Variants in PRKCZ observed in about 807,000 individuals in gnomAD.
PRKCZ encodes protein kinase C zeta type.
Under a neutral mutation model 79.5 loss-of-function variants are expected in PRKCZ, and 33 were observed. The observed-to-expected ratio is 0.41, with a 90% CI of 0.31 to 0.55. PRKCZ has a LOEUF of 0.55. PRKCZ is among the 20% of genes least tolerant of loss of function. The probability of loss-of-function intolerance (pLI) is 0.19; values close to 1 mark genes in which losing one functional copy is unlikely to be tolerated. For missense variants in PRKCZ, 578 were observed against 813.5 expected, an observed-to-expected ratio of 0.71 and a Z score of 3.52; for synonymous variants, 342 against 320.9, an observed-to-expected ratio of 1.07 and a Z score of -0.70.
Position 2,122,795 on chromosome 1 carries a change from C to T in PRKCZ, c.335-12467C>T, listed in dbSNP as rs191436021. On this transcript the variant is annotated intron_variant, in intron 4 of 17. Coordinates refer to ENST00000378567, the MANE Select transcript of PRKCZ (RefSeq NM_002744.6). Reference sequence around the variant, plus strand: ...AGGGTTGTGGTGGTTAGGGTCGTGGCGGTGGTTAGGGTCGTGGCGGTGGTT... The same window carrying T: ...AGGGTTGTGGTGGTTAGGGTCGTGGTGGTGGTTAGGGTCGTGGCGGTGGTT... Among the ~76,000 whole-genome samples, 2 of 5,152 alleles carry T rather than the reference C, an allele frequency of 3.9e-4. 1 individual carries two copies. The highest frequency in any genetic ancestry group is 7.3e-4 in the Non-Finnish European group (2 of 2,754). The allele number at this position is 5,152 out of a possible 152,430, so 3.4% of individuals were successfully genotyped here.
At chr1:2,167,830 C>G (rs1683639237) in intron 10 of PRKCZ, among the ~76,000 whole-genome samples, 1 of 152,184 alleles carries the variant, frequency 6.6e-6, no homozygotes, top group Non-Finnish European at 1.5e-5. Flanking sequence ...GTCTCGAACT[C>G]CTGACCTCAG....
rs1034716520 is a variant in PRKCZ at position 2,095,750 on chromosome 1, C to G, written c.334+36159C>G. The stretch of plus-strand genomic sequence containing the variant: ...CTCCCCACCTTTCCGCTCCCCTCCT[C>G]TCCCCTCCTTTCCGCTCCCCTCCTC... On this transcript the variant is annotated intron_variant, in intron 4 of 17. Transcript: ENST00000378567. Among the ~76,000 whole-genome samples the G allele has an allele frequency of 2.8e-5, 4 of 143,628 alleles. 1 individual carries two copies. Among genetic ancestry groups the G allele is most frequent in the Admixed American group, 1.4e-4 (2 of 14,524 alleles). The allele number at this position is 143,628 out of a possible 152,430, so 94.2% of individuals were successfully genotyped here. A position where few individuals can be genotyped will look rare whatever the true frequency, so the allele number is the denominator to read the frequency against.
At chr1:2,100,565 C>A (rs948946617) in intron 4 of PRKCZ, among the ~76,000 whole-genome samples, 1 of 152,252 alleles carries the variant, frequency 6.6e-6, no homozygotes, top group African/African-American at 2.4e-5. Context: ...TTATGGGTAC[C>A]TTGCAAGTTT....
chr1:2,169,816 G>C (rs1467808877), intron 11 of PRKCZ, among the ~76,000 whole-genome samples: 3 of 143,128 alleles, frequency 2.1e-5, no homozygotes, highest in Non-Finnish European at 4.6e-5. Flanking sequence ...CGGGGTGCAC[G>C]TGGAGGGGGC....
chr1:2,104,865 T>C, intron 4 of PRKCZ: 1 of 985,576 alleles, frequency 1.0e-6, no homozygotes, highest in Non-Finnish European at 1.2e-6. Context: ...GAGTGTGTGC[T>C]GTCTTCAGAG....
chr1:2,109,014 G>A (rs59362943), intron 4 of PRKCZ, among the ~76,000 whole-genome samples: 9,130 of 152,126 alleles, frequency 0.06, 883 homozygotes, highest in East Asian at 0.47. Context: ...TCCGTCTCAC[G>A]TCACCGCCTC....
At chr1:2,153,828 C>A (rs993639356) in intron 9 of PRKCZ, among the ~76,000 whole-genome samples, 1 of 152,158 alleles carries the variant, frequency 6.6e-6, no homozygotes, top group African/African-American at 2.4e-5. Context: ...GGTTGTCTTT[C>A]GAGAAGAGCC....
In PRKCZ at chr1:2,082,178, C is replaced by T. The variant is rs1310579177; in HGVS notation, c.334+22587C>T. On this transcript the variant is annotated intron_variant, in intron 4 of 17. Transcript: ENST00000378567. This position sits in a 1 kb window ranked among gnomAD's most constrained non-coding sequence, Gnocchi z 4.4. ...CTGGACGCGTCAGACGGGTTCTTTG[C>T]AGCCCTTGGCAGCGTCGCCCGCTCT... is the stretch of plus-strand genomic sequence containing the variant. 8.6e-6 allele frequency: 3 copies of T among 347,186 alleles called. No individual in the cohort carries two copies. The highest frequency in any genetic ancestry group is 1.7e-5 in the Non-Finnish European group (3 of 176,772). The allele number at this position is 347,186 out of a possible 1,614,324, so 21.5% of individuals were successfully genotyped here.
chr1:2,139,598 CAAAACA>C (rs1222526159), intron 5 of PRKCZ, among the ~76,000 whole-genome samples: 4 of 152,024 alleles, frequency 2.6e-5, no homozygotes, highest in Non-Finnish European at 5.9e-5. Context: ...CAAAACAACA[CAAAACA>C]AAAACAAAAC....
At chr1:2,142,924 TC>T (rs1401424508) in intron 5 of PRKCZ, 1 of 152,144 alleles carries the variant, frequency 6.6e-6, no homozygotes, top group Non-Finnish European at 1.5e-5. Context: ...GTGCTGAGGG[TC>T]CCGGTTCCTC....
intron 9 of PRKCZ, among the ~76,000 whole-genome samples, chr1:2,152,963 CTGTT>C (rs1359341055): frequency 1.3e-5 from 2 of 152,270 alleles, no homozygotes; most frequent in African/African-American, 4.8e-5. Flanking sequence ...GTACAAGAAT[CTGTT>C]TGAGTCTATT....
intron 4 of PRKCZ, among the ~76,000 whole-genome samples, chr1:2,120,277 C>A (rs771654034): frequency 2.5e-4 from 34 of 137,858 alleles, no homozygotes; most frequent in Non-Finnish European, 4.5e-4. Context: ...TGGAAAATAT[C>A]AGCCCTTGAC....
At chr1:2,100,324 G>T (rs909571863) in intron 4 of PRKCZ, among the ~76,000 whole-genome samples, 1 of 152,202 alleles carries the variant, frequency 6.6e-6, no homozygotes, top group Non-Finnish European at 1.5e-5. Context: ...CGTCTTCACC[G>T]CCTGGCTAAG....
At chr1:2,086,683 G>T (rs969633539) in intron 4 of PRKCZ, among the ~76,000 whole-genome samples, 1 of 152,216 alleles carries the variant, frequency 6.6e-6, no homozygotes, top group Non-Finnish European at 1.5e-5. Flanking sequence ...GGCTGTGCCC[G>T]GTGGGCGGTG....
At chr1:2,048,692 A>T (rs572619433), upstream of PRKCZ, among the ~76,000 whole-genome samples, 10 of 152,004 alleles carry the variant, frequency 6.6e-5, no homozygotes, top group African/African-American at 2.4e-4. Context: ...GTTGGTTGGG[A>T]GCTCAGGGGG....
chr1:2,104,980 C>G (rs545157092), intron 4 of PRKCZ: 516 of 954,582 alleles, frequency 5.4e-4, no homozygotes, highest in Non-Finnish European at 6.3e-4. Context: ...ACCCCGACAG[C>G]CACCCTGGCT....
intron 4 of PRKCZ, among the ~76,000 whole-genome samples, chr1:2,061,262 CTT>C (rs1274566687): frequency 6.6e-6 from 1 of 152,236 alleles, no homozygotes; most frequent in Non-Finnish European, 1.5e-5. Flanking sequence ...ATGTCTGCCT[CTT>C]GTCTCAACCC....
intron 4 of PRKCZ, among the ~76,000 whole-genome samples, chr1:2,105,706 T>A (rs1299118164): frequency 6.6e-6 from 1 of 152,166 alleles, no homozygotes; most frequent in African/African-American, 2.4e-5. Flanking sequence ...GGCCAGGTCT[T>A]TTTTCAAATA....
chr1:2,108,725 C>A (rs1346475965), intron 4 of PRKCZ, among the ~76,000 whole-genome samples: 1 of 152,222 alleles, frequency 6.6e-6, no homozygotes, highest in Non-Finnish European at 1.5e-5. Context: ...TGGTCACCAC[C>A]CCCTGCCTGT....
Sources: allele counts gnomAD v4.1 joint callset (sites outside exome capture counted in the v4.1 genomes callset), GRCh38; gene constraint gnomAD v4.1.1; non-coding constraint Gnocchi (gnomAD v3.1); transcripts MANE v1.5; gene names NCBI Gene and HGNC (gene_info 2026-07-23, HGNC 2026-07-21).